Variants in CREBRF observed in about 807,000 individuals in gnomAD.
CREBRF encodes CREB3 regulatory factor.
In CREBRF, 5 loss-of-function variants were observed where a neutral mutation model predicts 66.1. The ratio of observed to expected loss-of-function variants is 0.08; its 90% CI spans 0.04 to 0.16. CREBRF has a LOEUF of 0.16. Ranked by LOEUF, CREBRF falls within the 10% of genes least tolerant of loss-of-function variation. The pLI is 1.00. For missense variants in CREBRF, 531 were observed against 744.9 expected (o/e 0.71, Z 3.34); for synonymous variants, 229 against 264.4 (o/e 0.87, Z 1.30).
chr5:173,086,829 T>C (rs1758162321), intron 3 of CREBRF, among the ~76,000 whole-genome samples: 1 of 152,192 alleles, frequency 6.6e-6, no homozygotes, highest in Non-Finnish European at 1.5e-5. Flanking sequence ...CAGGCTATAG[T>C]GCAGTGGTGT....
intron 3 of CREBRF, among the ~76,000 whole-genome samples, chr5:173,088,757 A>G (rs954355517): frequency 2.6e-5 from 4 of 152,198 alleles, no homozygotes; most frequent in African/African-American, 9.6e-5. Flanking sequence ...TTGAAATAAC[A>G]CAAAAATATA....
intron 4 of CREBRF, 153 bp downstream of exon 4, chr5:173,091,554 C>G (rs929077080): frequency 3.4e-5 from 49 of 1,439,806 alleles, no homozygotes; most frequent in Non-Finnish European, 3.9e-5. Context: ...ATTGGTTTTT[C>G]TATTCAAATA....
At chr5:173,125,312 G>T (rs72816146) in intron 8 of CREBRF, among the ~76,000 whole-genome samples, 13,295 of 152,036 alleles carry the variant, frequency 0.087, 761 homozygotes, top group South Asian at 0.16. Context: ...ATTTTCCCCT[G>T]TATTTCTAAT....
chr5:173,091,084 C>A lies in CREBRF; in HGVS notation c.905C>A (p.Pro302His), dbSNP rs763633901. ...GAAACCCAGGAACTATTACTAAGTCCCCTGCCCCAGGAAGGTCCTGGGTCA... is the reference window on the plus strand; with the variant it reads ...GAAACCCAGGAACTATTACTAAGTCACCTGCCCCAGGAAGGTCCTGGGTCA... Reference protein sequence around the residue: ...FKETQELLLSPLPQEGPGSLA... With the variant: ...FKETQELLLSHLPQEGPGSLA... The change falls in exon 4 of 9, where the codon CCC (proline) becomes CAC (histidine). Residue 302 changes from proline to histidine, a missense_variant. Pro to His is a moderately conservative substitution (Grantham distance 77, BLOSUM62 -2). Around this residue, in one of 5 missense-constraint regions of CREBRF, gnomAD observed 309 missense variants for 341.4 expected, o/e 0.90. Transcript: ENST00000296953. 1 of 1,614,158 alleles carries A rather than the reference C, an allele frequency of 6.2e-7. No homozygotes were observed. The highest frequency in any genetic ancestry group is 2.2e-5 in the East Asian group (1 of 44,886).
chr5:173,076,462 G>C (rs181702631), intron 1 of CREBRF, among the ~76,000 whole-genome samples: 2 of 152,104 alleles, frequency 1.3e-5, no homozygotes, highest in African/African-American at 4.8e-5. Context: ...TTAAATTAGA[G>C]GTCATGGCCA....
intron 4 of CREBRF, among the ~76,000 whole-genome samples, chr5:173,103,102 G>A (rs992245984): frequency 2.0e-5 from 3 of 152,188 alleles, no homozygotes; most frequent in African/African-American, 7.2e-5. Context: ...TGTAGGAGAA[G>A]CCTTATTTAT....
chr5:173,065,839 A>G (rs1181346594), intron 1 of CREBRF, among the ~76,000 whole-genome samples: 2 of 150,560 alleles, frequency 1.3e-5, no homozygotes, highest in Non-Finnish European at 3.0e-5. Flanking sequence ...GTTTCCCCAC[A>G]TTGCCCAGGC....
chr5:173,110,469 G>T (rs760539756), intron 5 of CREBRF, 53 bp from the exon 6 acceptor site: 1 of 1,315,818 alleles, frequency 7.6e-7, no homozygotes, highest in Non-Finnish European at 1.1e-6. Context: ...TGAAAAACGT[G>T]TCTCTTGTTA....
At chr5:173,122,909 C>T (rs1014766536) in intron 7 of CREBRF, among the ~76,000 whole-genome samples, 171 bp from the exon 8 acceptor site, 19 of 151,172 alleles carry the variant, frequency 1.3e-4, no homozygotes, top group Non-Finnish European at 2.7e-4. Context: ...TCATCCATGT[C>T]CCTACAAAGG....
intron 1 of CREBRF, among the ~76,000 whole-genome samples, chr5:173,069,423 A>G (rs775081273): frequency 2.6e-5 from 4 of 151,878 alleles, no homozygotes; most frequent in African/African-American, 4.8e-5. Context: ...TCCCGGGTTC[A>G]AGCAATTCCC....
chr5:173,084,926 T>C (rs897244504), intron 2 of CREBRF, among the ~76,000 whole-genome samples: 1 of 152,032 alleles, frequency 6.6e-6, no homozygotes, highest in Admixed American at 6.5e-5. Flanking sequence ...ATTACATGTG[T>C]GAGCCACTGC....
chr5:173,059,558 C>T (rs972072041), intron 1 of CREBRF, among the ~76,000 whole-genome samples: 1 of 152,202 alleles, frequency 6.6e-6, no homozygotes, highest in African/African-American at 2.4e-5. Context: ...GCCACCGCGC[C>T]TGGCCTATCA....
chr5:173,075,106 CCTTA>C (rs1284165804), intron 1 of CREBRF, among the ~76,000 whole-genome samples: 3 of 152,264 alleles, frequency 2.0e-5, no homozygotes, highest in African/African-American at 7.2e-5. Context: ...ACACTTTCTT[CCTTA>C]CTTTCCTCTT....
chr5:173,061,877 T>C (rs1411286231), intron 1 of CREBRF, among the ~76,000 whole-genome samples: 1 of 152,200 alleles, frequency 6.6e-6, no homozygotes, highest in Non-Finnish European at 1.5e-5. Flanking sequence ...TTGATAACTT[T>C]TGCTTTATTT....
intron 1 of CREBRF, among the ~76,000 whole-genome samples, chr5:173,069,247 A>C (rs1031190203): frequency 6.6e-5 from 10 of 152,142 alleles, no homozygotes; most frequent in African/African-American, 2.2e-4. Flanking sequence ...TTTTATTGTG[A>C]ATCACAATAT....
At chr5:173,091,905 C>A (rs1026257753) in intron 4 of CREBRF, 40 of 406,102 alleles carry the variant, frequency 9.8e-5, no homozygotes, top group Non-Finnish European at 1.3e-4. Context: ...GCCAACACAG[C>A]GAAACCCTGT....
intron 8 of CREBRF, among the ~76,000 whole-genome samples, chr5:173,129,422 A>G (rs1351591708): frequency 1.3e-5 from 2 of 152,014 alleles, no homozygotes; most frequent in African/African-American, 4.8e-5. Flanking sequence ...GGCCAGTTAC[A>G]TCTTTTTAAA....
In CREBRF at chr5:173,108,744, G is replaced by C; in HGVS notation, c.1343G>C (p.Arg448Thr). The C allele has an allele frequency of 6.2e-7, 1 of 1,614,044 alleles. No individual in the cohort carries two copies. Among genetic ancestry groups the C allele is most frequent in the African/African-American group, 1.3e-5 (1 of 75,036 alleles). ...SEQLTPSQQE[R>T]MLRPSEWNRD... ...CAACTTACACCATCACAGCAAGAGAGGATGCTGAGACCATCTGAGTGGAAC... is the reference window on the plus strand; with the variant it reads ...CAACTTACACCATCACAGCAAGAGACGATGCTGAGACCATCTGAGTGGAAC... Residue 448 changes from arginine (R) to threonine (T), a missense_variant, in exon 5 of 9, where the codon AGG becomes ACG. Physicochemically the swap from Arg to Thr is moderately conservative, Grantham distance 71 (BLOSUM62 -1). Coordinates refer to ENST00000296953, the MANE Select transcript of CREBRF (RefSeq NM_153607.3).
At chr5:173,081,864 C>T (rs1378617679) in intron 2 of CREBRF, among the ~76,000 whole-genome samples, 1 of 151,886 alleles carries the variant, frequency 6.6e-6, no homozygotes, top group Admixed American at 6.6e-5. Flanking sequence ...AAGATCATGC[C>T]ATTGCACTCC....
Sources: gnomAD v4.1 joint callset for allele counts (sites outside exome capture counted in the v4.1 genomes callset) on GRCh38, gnomAD v4.1.1 for gene constraint, gnomAD v4.1.1 regional missense constraint, MANE v1.5 for transcripts, NCBI Gene and HGNC (gene_info 2026-07-23, HGNC 2026-07-21) for gene names.